Variants in GRID1 observed in about 807,000 individuals in gnomAD.
GRID1 encodes the protein glutamate ionotropic receptor delta type subunit 1, also known as glutamate receptor ionotropic, delta-1.
GRID1 carries 28 observed loss-of-function variants against 98.0 expected under a neutral mutation model. That is an observed-to-expected ratio of 0.29 (90% CI 0.21 to 0.39). The LOEUF (loss-of-function observed/expected upper bound fraction) is 0.39, where lower values mean the gene tolerates loss of function less well. Among genes scored for constraint, GRID1 ranks in the 10% least tolerant of loss-of-function variants. GRID1 has a pLI of 1.00. For missense variants in GRID1, 1,111 were observed against 1,340.5 expected (o/e 0.83, Z 2.67); for synonymous variants, 553 against 538.5 (o/e 1.03, Z -0.37).
At chr10:85,911,270 C>A (rs891818941) in intron 5 of GRID1, among the ~76,000 whole-genome samples, 2 of 152,030 alleles carry the variant, frequency 1.3e-5, no homozygotes, top group African/African-American at 4.8e-5. Flanking sequence ...CAAGAGAGAA[C>A]CAGTTTTGGG....
At chr10:85,717,438 A>G (rs1057217384) in intron 12 of GRID1, among the ~76,000 whole-genome samples, 1 of 152,196 alleles carries the variant, frequency 6.6e-6, no homozygotes, top group African/African-American at 2.4e-5. Flanking sequence ...ATGAGGGAGA[A>G]GCAAAAGCAG....
chr10:86,228,887 T>A (rs1846402340), intron 2 of GRID1, among the ~76,000 whole-genome samples: 1 of 152,170 alleles, frequency 6.6e-6, no homozygotes, highest in East Asian at 1.9e-4. Context: ...CATCTTGCAT[T>A]GGTCTCTTCA....
At chr10:85,609,822 G>C (rs957801997) in intron 15 of GRID1, among the ~76,000 whole-genome samples, 1 of 152,186 alleles carries the variant, frequency 6.6e-6, no homozygotes, top group African/African-American at 2.4e-5. Flanking sequence ...TTTATTTCAT[G>C]AATATTTTAT....
intron 8 of GRID1, among the ~76,000 whole-genome samples, chr10:85,852,996 A>G (rs978403822): frequency 1.3e-5 from 2 of 152,182 alleles, no homozygotes; most frequent in African/African-American, 2.4e-5. Context: ...AACTTCAATT[A>G]TTTATATGAC....
chr10:85,622,197 A>G (rs1842865521), intron 13 of GRID1, among the ~76,000 whole-genome samples: 1 of 152,024 alleles, frequency 6.6e-6, no homozygotes. Flanking sequence ...GCTGCATGAA[A>G]GCACCCACAT....
intron 4 of GRID1, among the ~76,000 whole-genome samples, chr10:85,945,763 G>A (rs1842046654): frequency 6.6e-6 from 1 of 152,092 alleles, no homozygotes; most frequent in East Asian, 1.9e-4. Flanking sequence ...ACTTCACTGT[G>A]GAAGTTTTTT....
intron 2 of GRID1, among the ~76,000 whole-genome samples, chr10:86,254,455 T>TG (rs1350113644): frequency 1.3e-5 from 2 of 152,238 alleles, no homozygotes; most frequent in African/African-American, 4.8e-5. Flanking sequence ...ACTTTTGAGG[T>TG]GGGGCTCTGT....
At chr10:85,823,797 AG>A (rs1346131675) in intron 8 of GRID1, among the ~76,000 whole-genome samples, 1 of 152,216 alleles carries the variant, frequency 6.6e-6, no homozygotes, top group African/African-American at 2.4e-5. Flanking sequence ...GGAATCAAGA[AG>A]AAAGTAGAAT....
intron 5 of GRID1, among the ~76,000 whole-genome samples, chr10:85,880,085 C>A (rs1372802146): frequency 6.6e-6 from 1 of 152,188 alleles, no homozygotes; most frequent in African/African-American, 2.4e-5. Flanking sequence ...GAAGTTGAAT[C>A]TCTGAATAGA....
chr10:85,772,097 A>G (rs2132712761), intron 8 of GRID1, among the ~76,000 whole-genome samples: 1 of 152,340 alleles, frequency 6.6e-6, no homozygotes, highest in East Asian at 1.9e-4. Context: ...GCAAATGTAA[A>G]AGATAAGAAA....
At position 86,366,403 on chromosome 10, in the gene GRID1, C is replaced by T. The variant is rs1345988423; in HGVS notation, c.-11G>A. Reference sequence around the variant, plus strand: ...CGTCAGCGCTTCCATGTCCCCCGGGCGCGCGGCTCATCCACCCGGGCCCGG... The same window carrying T: ...CGTCAGCGCTTCCATGTCCCCCGGGTGCGCGGCTCATCCACCCGGGCCCGG... On this transcript the variant is annotated 5_prime_UTR_variant, in exon 1 of 16. Transcript: ENST00000327946. This position sits in a 1 kb window ranked among gnomAD's most constrained non-coding sequence, Gnocchi z 4.1. 2.0e-6 allele frequency: 3 copies of T among 1,488,728 alleles called. No homozygotes were observed. The highest frequency in any genetic ancestry group is 2.5e-5 in the South Asian group (2 of 79,558). 92.2% of individuals were successfully genotyped at this position (1,488,728 alleles called of 1,614,324 possible). A position where few individuals can be genotyped will look rare whatever the true frequency, so the allele number is the denominator to read the frequency against.
chr10:85,684,315 A>G (rs1841244082), intron 12 of GRID1, among the ~76,000 whole-genome samples: 1 of 152,230 alleles, frequency 6.6e-6, no homozygotes, highest in African/African-American at 2.4e-5. Flanking sequence ...AAAAGAATGA[A>G]AAACTACCAG....
intron 8 of GRID1, among the ~76,000 whole-genome samples, chr10:85,755,498 C>T (rs998973961): frequency 2.0e-5 from 3 of 152,200 alleles, no homozygotes; most frequent in African/African-American, 7.2e-5. Context: ...ACTTCTGCCA[C>T]ATGCTAGTGG....
intron 4 of GRID1, among the ~76,000 whole-genome samples, chr10:86,058,893 C>G (rs1843611545): frequency 2.0e-5 from 3 of 152,188 alleles, no homozygotes; most frequent in Admixed American, 2.0e-4. Flanking sequence ...AATAATCACC[C>G]AAATGCATGC....
intron 12 of GRID1, among the ~76,000 whole-genome samples, chr10:85,707,028 A>T (rs534615651): frequency 2.0e-5 from 3 of 152,196 alleles, no homozygotes; most frequent in Non-Finnish European, 2.9e-5. Context: ...AACCTAGGCA[A>T]TACCAATCAG....
rs375098190 is a variant in GRID1 at position 85,825,774 on chromosome 10, TG to T, written c.1233+28721del. ...AGAAAACATAATCACAAAAAGAGAATGGAAAAAATAGTAAAAAACAACTGGA... is the reference window on the plus strand; with the variant it reads ...AGAAAACATAATCACAAAAAGAGAATGAAAAAATAGTAAAAAACAACTGGA... On this transcript the variant is annotated intron_variant, in intron 8 of 15. Coordinates refer to ENST00000327946, the MANE Select transcript of GRID1 (RefSeq NM_017551.3). Among the ~76,000 whole-genome samples, 45 of 151,868 alleles carry T rather than the reference TG, an allele frequency of 3.0e-4. No individual in the cohort carries two copies. The South Asian group carries it at 8.9e-3, about 30-fold the overall frequency.
At chr10:85,665,536 C>T (rs1416417953) in intron 12 of GRID1, among the ~76,000 whole-genome samples, 1 of 152,154 alleles carries the variant, frequency 6.6e-6, no homozygotes, top group Non-Finnish European at 1.5e-5. Flanking sequence ...TCTGGCCCTG[C>T]CACATCTGGC....
chr10:85,790,169 A>C (rs1362071382), intron 8 of GRID1, among the ~76,000 whole-genome samples: 1 of 152,170 alleles, frequency 6.6e-6, no homozygotes, highest in Non-Finnish European at 1.5e-5. Context: ...TGTCCACCAA[A>C]GCGGGTGAGG....
At chr10:86,243,347 T>C (rs2132043468) in intron 2 of GRID1, among the ~76,000 whole-genome samples, 1 of 152,226 alleles carries the variant, frequency 6.6e-6, no homozygotes, top group Non-Finnish European at 1.5e-5. Flanking sequence ...GGGGCTGAGT[T>C]ACTCCTGGGC....
Sources: gnomAD v4.1 joint callset for allele counts (sites outside exome capture counted in the v4.1 genomes callset) on GRCh38, gnomAD v4.1.1 for gene constraint, Gnocchi (gnomAD v3.1) non-coding constraint, MANE v1.5 for transcripts, NCBI Gene and HGNC (gene_info 2026-07-23, HGNC 2026-07-21) for gene names.